Variants in CFAP206 observed in about 807,000 individuals in gnomAD.
The protein encoded by CFAP206 is cilia- and flagella-associated protein 206.
In CFAP206, 53 loss-of-function variants were observed where a neutral mutation model predicts 65.4. The observed-to-expected ratio is 0.81, with a 90% CI of 0.65 to 1.02. CFAP206 has a LOEUF of 1.02. Among genes scored for constraint, CFAP206 ranks in the 50% least tolerant of loss-of-function variants. CFAP206 has a pLI of 0.00. For missense variants in CFAP206, 663 were observed against 753.2 expected (o/e 0.88, Z 1.40); for synonymous variants, 250 against 254.4 (o/e 0.98, Z 0.17).
chr6:87,434,109 A>AC (rs397801649), intron 10 of CFAP206, among the ~76,000 whole-genome samples: 1 of 148,244 alleles, frequency 6.7e-6, no homozygotes, highest in African/African-American at 2.5e-5. Flanking sequence ...CAAAAAAAAA[A>AC]GGAGTGGAAG....
chr6:87,449,441 A>C (rs1179085111), intron 11 of CFAP206, among the ~76,000 whole-genome samples: 15 of 150,030 alleles, frequency 1.0e-4, no homozygotes, highest in Non-Finnish European at 1.2e-4. Flanking sequence ...CATCTCAAAA[A>C]AAAAAAAAAA....
chr6:87,439,452 T>C (rs1335397627), intron 11 of CFAP206, among the ~76,000 whole-genome samples: 2 of 151,520 alleles, frequency 1.3e-5, no homozygotes, highest in Admixed American at 1.3e-4. Flanking sequence ...CAAAATTGTA[T>C]TTTGCTTATG....
At chr6:87,449,436 CAA>C (rs34540279) in intron 11 of CFAP206, among the ~76,000 whole-genome samples, 3,083 of 52,762 alleles carry the variant, frequency 0.058, 20 homozygotes, top group African/African-American at 0.087. Flanking sequence ...GACTCCATCT[CAA>C]AAAAAAAAAA....
At chr6:87,453,103 A>G (rs776261084) in intron 11 of CFAP206, among the ~76,000 whole-genome samples, 3 of 152,186 alleles carry the variant, frequency 2.0e-5, no homozygotes, top group Non-Finnish European at 2.9e-5. Context: ...GAAATAACAT[A>G]TAAAGGAGCT....
Position 87,415,953 on chromosome 6 carries a change from G to C in CFAP206, c.472+79G>C, listed in dbSNP as rs181333442. On this transcript the variant is annotated intron_variant, in intron 5 of 12. Transcript: ENST00000369562. ...TTTTATAAAACATGTTAAATTAGAA[G>C]TGTTAAAGATTGAAGTTCCCTTTTT... 3.4e-4 allele frequency: 359 copies of C among 1,040,678 alleles called. 3 individuals are homozygous for C. The African/African-American group carries it at 5.6e-3, about 16-fold the overall frequency. The allele number at this position is 1,040,678 out of a possible 1,614,324, so 64.5% of individuals were successfully genotyped here. A position where few individuals can be genotyped will look rare whatever the true frequency, so the allele number is the denominator to read the frequency against.
intron 11 of CFAP206, among the ~76,000 whole-genome samples, chr6:87,455,556 A>T (rs1768623241): frequency 6.6e-6 from 1 of 152,154 alleles, no homozygotes; most frequent in African/African-American, 2.4e-5. Flanking sequence ...CAATAAAATG[A>T]AAAGGTACTT....
At chr6:87,416,639 T>C (rs1253901195) in intron 5 of CFAP206, 30 bp from the exon 6 acceptor site, 44 of 1,551,508 alleles carry the variant, frequency 2.8e-5, no homozygotes, top group Non-Finnish European at 3.6e-5. Context: ...TCATTTTGTT[T>C]TCCTTTTTTT....
rs549525189 is a variant in CFAP206, at chr6:87,413,883, T to A, written c.266T>A (p.Met89Lys). ...ATTAAGATGCAAGTCTACTTCGATA[T>A]GAATTATACGAATCGAGGTAATGTA... ...DTIKMQVYFD[M>K]NYTNRVEFLE... Residue 89 changes from methionine (M) to lysine (K), a missense_variant, in exon 4 of 13, where the codon ATG becomes AAG. Coordinates refer to ENST00000369562, the MANE Select transcript of CFAP206 (RefSeq NM_001031743.3). The A allele has an allele frequency of 2.0e-6, 3 of 1,537,776 alleles. No individual in the cohort carries two copies. Among genetic ancestry groups the A allele is most frequent in the East Asian group, 4.9e-5 (2 of 40,678 alleles).
rs114579728 is a variant in CFAP206, at chr6:87,413,000, G to A, written c.193-810G>A. ...AAATAAAATGAGGAGTGTTGTTCAA[G>A]GCACAAATAAATAGTAATGAGGAAC... On this transcript the variant is annotated intron_variant, in intron 3 of 12. Coordinates refer to ENST00000369562, the MANE Select transcript of CFAP206 (RefSeq NM_001031743.3). Among the ~76,000 whole-genome samples, 513 of 152,188 alleles carry A rather than the reference G, an allele frequency of 3.4e-3. 3 individuals carry two copies. The highest frequency in any genetic ancestry group is 0.012 in the African/African-American group (497 of 41,506).
At chr6:87,444,956 T>C in intron 11 of CFAP206, 1 of 528,880 alleles carries the variant, frequency 1.9e-6, no homozygotes, top group Non-Finnish European at 3.7e-6. Flanking sequence ...AATGGCTCTG[T>C]TACAATATCA....
chr6:87,420,784 C>T (rs1767927122), intron 7 of CFAP206, among the ~76,000 whole-genome samples: 1 of 152,192 alleles, frequency 6.6e-6, no homozygotes, highest in South Asian at 2.1e-4. Context: ...TTCCAAGCTC[C>T]TTGCTGCTCA....
chr6:87,419,423 A>G (rs1475269213), intron 7 of CFAP206, among the ~76,000 whole-genome samples: 1 of 152,218 alleles, frequency 6.6e-6, no homozygotes, highest in Non-Finnish European at 1.5e-5. Flanking sequence ...TCTTACAAAT[A>G]TAAAACAGAT....
At chr6:87,408,536 ACACAGATCCGGAGCGCG>A (rs1767669643) in intron 1 of CFAP206, 1 of 72,574 alleles carries the variant, frequency 1.4e-5, no homozygotes, top group Non-Finnish European at 2.9e-5. Context: ...CGGAGCGCGC[ACACAGATCCGGAGCGCG>A]CACACAGATC....
rs995576285 is a variant in CFAP206 at position 87,442,952 on chromosome 6, G to A, written c.1494+7899G>A. Among the ~76,000 whole-genome samples the A allele has an allele frequency of 1.4e-4, 21 of 151,796 alleles. 1 individual carries two copies. Among genetic ancestry groups the A allele is most frequent in the Admixed American group, 5.9e-4 (9 of 15,214 alleles). ...ACCTATGCATTTCCTTTCTTTTGCT[G>A]TCCGTTGTTTAGATGTGAAAGTTAT... On this transcript the variant is annotated intron_variant, in intron 11 of 12. Coordinates refer to ENST00000369562, the MANE Select transcript of CFAP206 (RefSeq NM_001031743.3).
At chr6:87,429,918 A>AAGC (rs1768128710) in intron 9 of CFAP206, among the ~76,000 whole-genome samples, 1 of 152,208 alleles carries the variant, frequency 6.6e-6, no homozygotes, top group Admixed American at 6.5e-5. Context: ...CATTTCATTA[A>AAGC]AGCAGCATAT....
chr6:87,439,988 T>C (rs1043591609), intron 11 of CFAP206, among the ~76,000 whole-genome samples: 13 of 152,178 alleles, frequency 8.5e-5, no homozygotes, highest in Non-Finnish European at 1.5e-4. Context: ...TACTAGAATC[T>C]TTACTTTTAT....
At chr6:87,458,709 A>C (rs756569070) in intron 11 of CFAP206, among the ~76,000 whole-genome samples, 1 of 152,134 alleles carries the variant, frequency 6.6e-6, no homozygotes, top group Admixed American at 6.5e-5. Context: ...TGGGTACAAA[A>C]ATATAGTTAA....
At chr6:87,445,575 A>G (rs1768428478) in intron 11 of CFAP206, among the ~76,000 whole-genome samples, 1 of 152,152 alleles carries the variant, frequency 6.6e-6, no homozygotes, top group South Asian at 2.1e-4. Flanking sequence ...CATGGTGTAT[A>G]TGTACCACAT....
chr6:87,439,947 A>T (rs1768338147), intron 11 of CFAP206, among the ~76,000 whole-genome samples: 1 of 152,134 alleles, frequency 6.6e-6, no homozygotes, highest in Admixed American at 6.6e-5. Flanking sequence ...GTAAGTTTTC[A>T]CATTCTTTCT....
Sources: allele counts gnomAD v4.1 joint callset (sites outside exome capture counted in the v4.1 genomes callset), GRCh38; gene constraint gnomAD v4.1.1; transcripts MANE v1.5; gene names NCBI Gene and HGNC (gene_info 2026-07-23, HGNC 2026-07-21).